The following DLGAP1 variants were observed in gnomAD, a reference collection of about 807,000 sequenced individuals.
DLGAP1 encodes the protein disks large-associated protein 1.
In DLGAP1, 11 loss-of-function variants were observed where a neutral mutation model predicts 90.8. The observed-to-expected ratio is 0.12, with a 90% CI of 0.08 to 0.20. The LOEUF is 0.20. DLGAP1 is among the 10% of genes least tolerant of loss of function. The pLI, the probability that DLGAP1 is intolerant of heterozygous loss-of-function variation, is 1.00. For missense variants in DLGAP1, 1,050 were observed against 1,333.8 expected, an observed-to-expected ratio of 0.79 and a Z score of 3.31; for synonymous variants, 558 against 540.7, an observed-to-expected ratio of 1.03 and a Z score of -0.44.
At chr18:3,602,402 T>C (rs1402503369) in intron 7 of DLGAP1, among the ~76,000 whole-genome samples, 1 of 152,036 alleles carries the variant, frequency 6.6e-6, no homozygotes, top group Non-Finnish European at 1.5e-5. Context: ...GAGACCATCC[T>C]GGCTAAGACA....
At chr18:4,441,504 C>A (rs1333580091) in intron 1 of DLGAP1, among the ~76,000 whole-genome samples, 1 of 152,136 alleles carries the variant, frequency 6.6e-6, no homozygotes, top group African/African-American at 2.4e-5. Context: ...TGGTAAAACT[C>A]AAAAATAAAA....
chr18:3,682,460 A>G (rs1047569625), intron 7 of DLGAP1, among the ~76,000 whole-genome samples: 3 of 152,216 alleles, frequency 2.0e-5, no homozygotes, highest in African/African-American at 7.2e-5. Flanking sequence ...CTCTAGATAT[A>G]AAGTCTGAGG....
intron 1 of DLGAP1, among the ~76,000 whole-genome samples, chr18:4,361,718 C>A (rs2081633830): frequency 6.6e-6 from 1 of 151,980 alleles, no homozygotes; most frequent in Admixed American, 6.6e-5. Context: ...ACAAAAGGCA[C>A]AGGCAACAAA....
At chr18:4,223,516 A>C (rs2078122673) in intron 1 of DLGAP1, among the ~76,000 whole-genome samples, 1 of 152,156 alleles carries the variant, frequency 6.6e-6, no homozygotes, top group African/African-American at 2.4e-5. Context: ...GTATCATCGC[A>C]TTTGTTTACA....
At chr18:4,103,707 TATG>T (rs977663140) in intron 2 of DLGAP1, among the ~76,000 whole-genome samples, 2 of 152,180 alleles carry the variant, frequency 1.3e-5, no homozygotes, top group Non-Finnish European at 1.5e-5. Flanking sequence ...TACCATTGAT[TATG>T]ATGCTTGCTA....
intron 1 of DLGAP1, among the ~76,000 whole-genome samples, chr18:4,213,657 G>A (rs1319719028): frequency 1.3e-5 from 2 of 152,168 alleles, no homozygotes; most frequent in African/African-American, 4.8e-5. Context: ...AGATATTTCA[G>A]TGGAGGCTAT....
At chr18:3,642,944 A>C (rs1450057359) in intron 7 of DLGAP1, among the ~76,000 whole-genome samples, 1 of 152,222 alleles carries the variant, frequency 6.6e-6, no homozygotes, top group Non-Finnish European at 1.5e-5. Context: ...AACCTCTAGG[A>C]GTTTATCTGA....
intron 3 of DLGAP1, chr18:3,895,906 T>A (rs2071610707): frequency 6.6e-6 from 1 of 152,226 alleles, no homozygotes; most frequent in Non-Finnish European, 1.5e-5. Context: ...GGTATGTCAC[T>A]GAAGACAAGG....
chr18:4,023,345 C>G (rs559607748), intron 2 of DLGAP1, among the ~76,000 whole-genome samples: 1 of 152,138 alleles, frequency 6.6e-6, no homozygotes, highest in South Asian at 2.1e-4. Flanking sequence ...ACTAGGAAAA[C>G]TTTGGGCTTT....
chr18:3,658,153 T>C (rs957315263), intron 7 of DLGAP1, among the ~76,000 whole-genome samples: 2 of 152,214 alleles, frequency 1.3e-5, no homozygotes, highest in African/African-American at 4.8e-5. Flanking sequence ...AGATGTGCAG[T>C]GATCACACCA....
At chr18:4,203,062 G>C (rs1395873370) in intron 1 of DLGAP1, among the ~76,000 whole-genome samples, 1 of 152,034 alleles carries the variant, frequency 6.6e-6, no homozygotes, top group Non-Finnish European at 1.5e-5. Flanking sequence ...GATATCTAAG[G>C]TCAGGAGTTC....
At chr18:4,369,815 TAAAAA>T (rs11387946) in intron 1 of DLGAP1, among the ~76,000 whole-genome samples, 10,976 of 74,658 alleles carry the variant, frequency 0.15, 554 homozygotes, top group African/African-American at 0.19. Context: ...AAAGTCTTAG[TAAAAA>T]AAAAAAAAAA....
intron 1 of DLGAP1, among the ~76,000 whole-genome samples, chr18:4,338,963 ATT>A (rs1227149397): frequency 6.6e-6 from 1 of 152,194 alleles, no homozygotes; most frequent in East Asian, 1.9e-4. Context: ...GTGCTTTCCA[ATT>A]TATATAGCTC....
intron 3 of DLGAP1, among the ~76,000 whole-genome samples, chr18:3,981,790 G>A (rs2073735894): frequency 6.6e-6 from 1 of 152,096 alleles, no homozygotes; most frequent in Admixed American, 6.6e-5. Flanking sequence ...ATGGTATACT[G>A]TACCATCTAT....
chr18:4,115,435 T>C (rs551147294), intron 2 of DLGAP1, among the ~76,000 whole-genome samples: 16 of 152,256 alleles, frequency 1.1e-4, no homozygotes, highest in Admixed American at 4.6e-4. Flanking sequence ...TACAATTCAT[T>C]TCTTTCTGTG....
chr18:4,327,330 C>G (rs2143680702), intron 1 of DLGAP1, among the ~76,000 whole-genome samples: 1 of 151,900 alleles, frequency 6.6e-6, no homozygotes, highest in South Asian at 2.1e-4. Flanking sequence ...TCCTGTACCC[C>G]TAAATATATT....
intron 1 of DLGAP1, among the ~76,000 whole-genome samples, chr18:4,353,134 C>T (rs1453832014): frequency 6.6e-6 from 1 of 152,304 alleles, no homozygotes; most frequent in East Asian, 1.9e-4. Flanking sequence ...AAAATACAAG[C>T]CCTCACACAC....
At chr18:3,822,696 G>A (rs537729208) in intron 4 of DLGAP1, among the ~76,000 whole-genome samples, 2 of 152,314 alleles carry the variant, frequency 1.3e-5, no homozygotes, top group East Asian at 1.9e-4. Flanking sequence ...AAATAGCCCT[G>A]CAGGGGAATG....
intron 1 of DLGAP1, among the ~76,000 whole-genome samples, chr18:4,299,692 AAC>A (rs199824554): frequency 2.8e-5 from 4 of 144,712 alleles, no homozygotes; most frequent in Admixed American, 1.4e-4. Flanking sequence ...TTGTTTAAAA[AAC>A]ACACACAAAA....
Sources: allele counts gnomAD v4.1 joint callset (sites outside exome capture counted in the v4.1 genomes callset), GRCh38; gene constraint gnomAD v4.1.1; transcripts MANE v1.5; gene names NCBI Gene and HGNC (gene_info 2026-07-23, HGNC 2026-07-21).